Variants in BCL2L13 observed in about 807,000 individuals in gnomAD.
BCL2L13 encodes the protein BCL2 like 13.
Under a neutral mutation model 25.8 loss-of-function variants are expected in BCL2L13, and 13 were observed. The observed-to-expected ratio is 0.50, with a 90% CI of 0.33 to 0.80. The LOEUF is 0.80. Ranked by LOEUF, BCL2L13 falls within the 30% of genes least tolerant of loss-of-function variation. The probability of loss-of-function intolerance (pLI) is 0.02; values close to 1 mark genes in which losing one functional copy is unlikely to be tolerated. For missense variants in BCL2L13, 504 were observed against 574.9 expected, an observed-to-expected ratio of 0.88 and a Z score of 1.26; for synonymous variants, 244 against 230.3, an observed-to-expected ratio of 1.06 and a Z score of -0.54.
chr22:17,673,361 CTTT>C (rs35861622), intron 2 of BCL2L13, among the ~76,000 whole-genome samples: 79 of 115,460 alleles, frequency 6.8e-4, no homozygotes, highest in Non-Finnish European at 8.3e-4. Context: ...TCTTTTCTTT[CTTT>C]TTTTTTTTTT....
At chr22:17,714,404 A>T (rs1177082004) in intron 6 of BCL2L13, among the ~76,000 whole-genome samples, 4 of 152,134 alleles carry the variant, frequency 2.6e-5, no homozygotes, top group Admixed American at 2.0e-4. Flanking sequence ...GCGAGCCAAG[A>T]TGGTGCAACT....
intron 3 of BCL2L13, among the ~76,000 whole-genome samples, chr22:17,687,265 A>T (rs1334222864): frequency 6.6e-6 from 1 of 152,138 alleles, no homozygotes; most frequent in Non-Finnish European, 1.5e-5. Context: ...TCCTGCAGTT[A>T]GGGAATGGTT....
At chr22:17,659,129 G>C (rs2058987877) in intron 2 of BCL2L13, among the ~76,000 whole-genome samples, 1 of 144,126 alleles carries the variant, frequency 6.9e-6, no homozygotes, top group Non-Finnish European at 1.6e-5. Flanking sequence ...ACTTTGGAAG[G>C]CCAAGGTGGG....
chr22:17,711,677 T>TA (rs1224201220), intron 6 of BCL2L13, among the ~76,000 whole-genome samples: 19 of 152,208 alleles, frequency 1.2e-4, no homozygotes, highest in African/African-American at 4.6e-4. Flanking sequence ...CTAAAATTCT[T>TA]AGTGTTTTCG....
chr22:17,633,215 C>T (rs2058057587), intron 1 of BCL2L13, among the ~76,000 whole-genome samples: 1 of 152,166 alleles, frequency 6.6e-6, no homozygotes, highest in African/African-American at 2.4e-5. Context: ...TAGTTACTAT[C>T]CCCTTTTGCA....
intron 2 of BCL2L13, among the ~76,000 whole-genome samples, chr22:17,665,702 G>A (rs1482559601): frequency 6.6e-6 from 1 of 152,094 alleles, no homozygotes; most frequent in African/African-American, 2.4e-5. Flanking sequence ...CCTATCACCA[G>A]TGTACAGAGG....
intron 4 of BCL2L13, among the ~76,000 whole-genome samples, chr22:17,693,349 A>G (rs1444835165): frequency 1.0e-5 from 1 of 99,864 alleles, no homozygotes; most frequent in Admixed American, 9.9e-5. Context: ...TTATTTATTT[A>G]TTTATTTATT....
intron 4 of BCL2L13, among the ~76,000 whole-genome samples, chr22:17,691,539 A>G (rs571351062): frequency 1.3e-5 from 2 of 152,126 alleles, no homozygotes; most frequent in Non-Finnish European, 1.5e-5. Flanking sequence ...CCAGCCACTC[A>G]GGAGGCTGAG....
upstream of BCL2L13, among the ~76,000 whole-genome samples, chr22:17,636,156 T>G (rs2058102574): frequency 6.6e-6 from 1 of 151,510 alleles, no homozygotes. Flanking sequence ...AAACCCCGTC[T>G]CTACTAAAAA....
chr22:17,664,425 G>A (rs931782251), intron 2 of BCL2L13, among the ~76,000 whole-genome samples: 42 of 149,404 alleles, frequency 2.8e-4, no homozygotes, highest in Admixed American at 5.4e-4. Flanking sequence ...ACCCCCCCCC[G>A]GCTCCTTTCA....
At chr22:17,654,372 G>T (rs945552572) in intron 1 of BCL2L13, among the ~76,000 whole-genome samples, 1 of 151,436 alleles carries the variant, frequency 6.6e-6, no homozygotes, top group Non-Finnish European at 1.5e-5. Flanking sequence ...CAAAGTGCTG[G>T]GATTATGGGT....
intron 6 of BCL2L13, among the ~76,000 whole-genome samples, chr22:17,705,026 C>T (rs1439654120): frequency 6.7e-6 from 1 of 149,044 alleles, no homozygotes; most frequent in Admixed American, 6.7e-5. Flanking sequence ...GAAGAATGTA[C>T]ACTTTTTTAG....
At chr22:17,690,507 T>C (rs2060075131) in intron 4 of BCL2L13, among the ~76,000 whole-genome samples, 2 of 152,010 alleles carry the variant, frequency 1.3e-5, no homozygotes, top group Admixed American at 1.3e-4. Context: ...TTTGGTAATC[T>C]CAGTACTTTG....
At chr22:17,631,961 C>T (rs1344645954) in intron 1 of BCL2L13, among the ~76,000 whole-genome samples, 3 of 151,746 alleles carry the variant, frequency 2.0e-5, no homozygotes, top group Non-Finnish European at 4.4e-5. Flanking sequence ...ACCTCGTGAT[C>T]TGCCCGCCTT....
At chr22:17,678,809 G>A (rs2059648252) in intron 2 of BCL2L13, among the ~76,000 whole-genome samples, 1 of 152,160 alleles carries the variant, frequency 6.6e-6, no homozygotes, top group Admixed American at 6.5e-5. Flanking sequence ...CTGATAAATA[G>A]CAGGTAGTCA....
intron 6 of BCL2L13, chr22:17,702,641 AATT>A: frequency 8.1e-5 from 23 of 285,202 alleles, no homozygotes; most frequent in East Asian, 1.2e-4. Context: ...TTTGATATGT[AATT>A]ATTATTATTA....
At chr22:17,660,606 G>A (rs896945844) in intron 2 of BCL2L13, among the ~76,000 whole-genome samples, 14 of 144,986 alleles carry the variant, frequency 9.7e-5, no homozygotes, top group African/African-American at 3.4e-4. Flanking sequence ...TTTATTTTTC[G>A]TAGAGATCAG....
chr22:17,645,174 A>G (rs1321572919), intron 1 of BCL2L13, among the ~76,000 whole-genome samples: 5 of 151,064 alleles, frequency 3.3e-5, no homozygotes, highest in Non-Finnish European at 5.9e-5. Flanking sequence ...AACAAATACA[A>G]AAGACTGTCA....
In BCL2L13 at chr22:17,697,498, G is replaced by GT. The variant is rs1404239337; in HGVS notation, c.456+1290dup. Among the ~76,000 whole-genome samples, 5 of 152,262 alleles carry GT rather than the reference G, an allele frequency of 3.3e-5. No homozygotes were observed. In the South Asian group the frequency reaches 8.3e-4, roughly 25 times the overall value. ...TCGGGGGACATGTATGTGCAGGTTTGTTATAGGAAGCTCTCTGAGTCTTAG... is the reference window on the plus strand; with the variant it reads ...TCGGGGGACATGTATGTGCAGGTTTGTTTATAGGAAGCTCTCTGAGTCTTAG... On this transcript the variant is annotated intron_variant, in intron 5 of 6. Transcript: ENST00000317582.
Sources: gnomAD v4.1 joint callset for allele counts (sites outside exome capture counted in the v4.1 genomes callset) on GRCh38, gnomAD v4.1.1 for gene constraint, MANE v1.5 for transcripts, NCBI Gene and HGNC (gene_info 2026-07-23, HGNC 2026-07-21) for gene names.